Variants in ATP9A observed in about 807,000 individuals in gnomAD.
ATP9A encodes the protein probable phospholipid-transporting ATPase IIA.
A neutral mutation model predicts 144.1 loss-of-function variants in ATP9A; 52 were observed. That is an observed-to-expected ratio of 0.36 (90% confidence interval 0.29 to 0.45). ATP9A has a LOEUF of 0.45. ATP9A is among the 20% of genes least tolerant of loss of function. The pLI is 1.00. For missense variants in ATP9A, 947 were observed against 1,392.7 expected (o/e 0.68, Z 5.09); for synonymous variants, 582 against 557.4 (o/e 1.04, Z -0.62).
At position 51,610,142 on chromosome 20, in the gene ATP9A, G is replaced by C; in HGVS notation, c.2595C>G (p.Tyr865Ter). ...CTTGATAGAGAGGGACGGAGGCAAA[G>C]TAAAACACGGAGGAAAAGACAGCCT... is the stretch of plus-strand genomic sequence containing the variant. Reference protein sequence around the residue: ...TMQAVFSSVFYFASVPLYQGF... With the variant: ...TMQAVFSSVF The change falls in exon 24 of 28, where the codon TAC becomes TAG. Residue 865 changes from tyrosine (Y) to a stop codon, truncating the protein, a stop_gained. Transcript: ENST00000338821. LOFTEE classifies it high-confidence loss of function. 6.2e-7 allele frequency: 1 copy of C among 1,610,770 alleles called. No individual in the cohort carries two copies. The highest frequency in any genetic ancestry group is 8.5e-7 in the Non-Finnish European group (1 of 1,176,988).
chr20:51,654,648 C>A lies in ATP9A; in HGVS notation c.1506+2290G>T, dbSNP rs540173192. ...GCTGAGGTGGGAGGATGGCTCATAC[C>A]CACGAGTTCAGGGCTGCAGTGAGCC... is the stretch of plus-strand genomic sequence containing the variant. On this transcript the variant is annotated intron_variant, in intron 14 of 27. Transcript: ENST00000338821. 5.3e-5 allele frequency among the ~76,000 whole-genome samples: 8 copies of A among 152,254 alleles called. No individual in the cohort carries two copies. In the East Asian group the frequency reaches 1.5e-3, roughly 29 times the overall value.
chr20:51,685,377 G>T (rs2077518672), intron 9 of ATP9A, among the ~76,000 whole-genome samples: 1 of 152,050 alleles, frequency 6.6e-6, no homozygotes, highest in African/African-American at 2.4e-5. Flanking sequence ...TGGACAACAT[G>T]ATGAAACCCC....
chr20:51,654,315 C>A (rs2077378773), intron 14 of ATP9A, among the ~76,000 whole-genome samples: 1 of 152,230 alleles, frequency 6.6e-6, no homozygotes, highest in South Asian at 2.1e-4. Context: ...CACCAGGACA[C>A]AGAAGATGAC....
intron 11 of ATP9A, among the ~76,000 whole-genome samples, chr20:51,673,902 T>C (rs928950226): frequency 2.6e-5 from 4 of 151,708 alleles, no homozygotes; most frequent in Admixed American, 1.3e-4. Context: ...ATACAAAAAT[T>C]AGCCAGGCAT....
chr20:51,613,573 G>A lies in ATP9A; in HGVS notation c.2571+104C>T, dbSNP rs559635968. On this transcript the variant is annotated intron_variant, in intron 23 of 27. Transcript: ENST00000338821. ...AATCTAATTCCCAGGCTTTTTCCAT[G>A]ATAATTACATAGCCACATGTACATG... 1.8e-5 allele frequency: 22 copies of A among 1,249,948 alleles called. 1 individual carries two copies. In the South Asian group the frequency reaches 3.5e-4, roughly 20 times the overall value. The allele number at this position is 1,249,948 out of a possible 1,614,324, so 77.4% of individuals were successfully genotyped here.
rs147764604 is a variant in ATP9A, at chr20:51,714,220, T to A, written c.328-1146A>T. Among the ~76,000 whole-genome samples, 370 of 151,532 alleles carry A rather than the reference T, an allele frequency of 2.4e-3. 3 individuals carry two copies. The highest frequency in any genetic ancestry group is 4.0e-3 in the Non-Finnish European group (274 of 67,898). On this transcript the variant is annotated intron_variant, in intron 3 of 27. Coordinates refer to ENST00000338821, the MANE Select transcript of ATP9A (RefSeq NM_006045.3). The stretch of plus-strand genomic sequence containing the variant: ...TGTTTTGAGATAGGGTCTCGCTCTG[T>A]CACCCAGGCAGGAGTGCAGTAGCAT...
At chr20:51,679,801 C>A (rs2077492418) in intron 9 of ATP9A, among the ~76,000 whole-genome samples, 1 of 152,160 alleles carries the variant, frequency 6.6e-6, no homozygotes, top group South Asian at 2.1e-4. Context: ...TGTTCCTCAT[C>A]CACAACAAAA....
chr20:51,710,526 C>A (rs576465303), intron 4 of ATP9A, among the ~76,000 whole-genome samples: 8 of 152,176 alleles, frequency 5.3e-5, no homozygotes, highest in African/African-American at 1.9e-4. Context: ...TGGCCCTCCC[C>A]CCAAAAGCGT....
intron 3 of ATP9A, among the ~76,000 whole-genome samples, chr20:51,719,042 C>T (rs1197492601): frequency 6.6e-6 from 1 of 151,042 alleles, no homozygotes; most frequent in African/African-American, 2.4e-5. Flanking sequence ...GCAGGAGAAT[C>T]GCTTGAACCC....
At chr20:51,649,871 C>T (rs1360440891) in intron 14 of ATP9A, among the ~76,000 whole-genome samples, 1 of 150,124 alleles carries the variant, frequency 6.7e-6, no homozygotes, top group African/African-American at 2.5e-5. Context: ...CAAGATCGTA[C>T]CACCGCACTC....
At position 51,696,148 on chromosome 20, in the gene ATP9A, T is replaced by A; in HGVS notation, c.496-4A>T. Reference sequence around the variant, plus strand: ...TGTCGGCAGGGACCCGCTGGTTCTGTGTTATGAAAAGAAAGACTGTTACTG... The same window carrying A: ...TGTCGGCAGGGACCCGCTGGTTCTGAGTTATGAAAAGAAAGACTGTTACTG... On this transcript the variant is annotated splice_polypyrimidine_tract_variant and splice_region_variant and intron_variant, in intron 5 of 27. Transcript: ENST00000338821. 1 of 1,613,736 alleles carries A rather than the reference T, an allele frequency of 6.2e-7. No homozygotes were observed.
chr20:51,761,428 C>T (rs2077879859), intron 1 of ATP9A, among the ~76,000 whole-genome samples: 1 of 152,138 alleles, frequency 6.6e-6, no homozygotes, highest in African/African-American at 2.4e-5. Flanking sequence ...CTGCAGCACA[C>T]ATCGGTGTGT....
At chr20:51,659,476 T>G (rs1179340399) in intron 13 of ATP9A, among the ~76,000 whole-genome samples, 1 of 152,208 alleles carries the variant, frequency 6.6e-6, no homozygotes, top group East Asian at 1.9e-4. Flanking sequence ...TTTTTTCATT[T>G]TCAAGAAGTA....
chr20:51,699,515 A>G (rs1197825140), intron 4 of ATP9A, among the ~76,000 whole-genome samples: 1 of 152,170 alleles, frequency 6.6e-6, no homozygotes, highest in African/African-American at 2.4e-5. Context: ...TCCTATTGAA[A>G]CAACTCTCTT....
At chr20:51,683,607 G>T (rs2077510034) in intron 9 of ATP9A, among the ~76,000 whole-genome samples, 1 of 152,026 alleles carries the variant, frequency 6.6e-6, no homozygotes, top group Non-Finnish European at 1.5e-5. Context: ...GTAGAGATGG[G>T]TTTTCACTAT....
chr20:51,630,602 A>G (rs1291959149), intron 15 of ATP9A, among the ~76,000 whole-genome samples: 1 of 152,056 alleles, frequency 6.6e-6, no homozygotes, highest in Non-Finnish European at 1.5e-5. Flanking sequence ...CTCAGGAGGC[A>G]AGGCTGGAGA....
At chr20:51,745,351 C>T (rs1191585201) in intron 1 of ATP9A, among the ~76,000 whole-genome samples, 1 of 151,006 alleles carries the variant, frequency 6.6e-6, no homozygotes, top group African/African-American at 2.4e-5. Context: ...AGGAGAATCG[C>T]TTGAACCCAG....
rs1447877206 is a variant in ATP9A, at chr20:51,671,224, C to T, written c.1071G>A (p.Val357=). The change falls in exon 12 of 28, where the codon GTG becomes GTA. Residue 357 remains valine (V), a synonymous_variant. Transcript: ENST00000338821. ...LRVNLDMGKI[V]YSWVIRRDSK... is the part of the protein sequence containing the mutation. ...AGTCCCTTCGAATCACCCAGCTGTA[C>T]ACGATCTTGCCCATGTCCAGGTTCA... 1 of 1,613,986 alleles carries T rather than the reference C, an allele frequency of 6.2e-7. No homozygotes were observed. Among genetic ancestry groups the T allele is most frequent in the Non-Finnish European group, 8.5e-7 (1 of 1,179,964 alleles).
intron 9 of ATP9A, among the ~76,000 whole-genome samples, chr20:51,684,655 C>T (rs1208827447): frequency 4.9e-5 from 7 of 143,582 alleles, no homozygotes; most frequent in South Asian, 2.2e-4. Context: ...GAGATCGCAC[C>T]GCTGCACTCC....
Sources: allele counts gnomAD v4.1 joint callset (sites outside exome capture counted in the v4.1 genomes callset), GRCh38; gene constraint gnomAD v4.1.1; transcripts MANE v1.5; gene names NCBI Gene and HGNC (gene_info 2026-07-23, HGNC 2026-07-21).